The following POLR3F variants were observed in gnomAD, a reference collection of about 807,000 sequenced individuals.
POLR3F encodes RNA polymerase III subunit F.
In POLR3F, 31 loss-of-function variants were observed where a neutral mutation model predicts 43.6. The observed-to-expected ratio is 0.71, with a 90% CI of 0.53 to 0.96. The LOEUF (loss-of-function observed/expected upper bound fraction) is 0.96, where lower values mean the gene tolerates loss of function less well. Ranked by LOEUF, POLR3F falls within the 40% of genes least tolerant of loss-of-function variation. The pLI, the probability that POLR3F is intolerant of heterozygous loss-of-function variation, is 0.00. For synonymous variants in POLR3F, 114 were observed against 132.5 expected, an observed-to-expected ratio of 0.86 and a Z score of 0.96; for missense variants, 316 against 391.7, an observed-to-expected ratio of 0.81 and a Z score of 1.63.
At chr20:18,473,519 C>A in intron 4 of POLR3F, 61 bp downstream of exon 4, 1 of 783,038 alleles carries the variant, frequency 1.3e-6, no homozygotes, top group South Asian at 1.4e-5. Context: ...TATAGGGACC[C>A]AGATCTCAGC....
intron 2 of POLR3F, chr20:18,469,289 C>A: frequency 2.1e-6 from 1 of 479,914 alleles, no homozygotes; most frequent in Non-Finnish European, 3.8e-6. Flanking sequence ...GGGTGAGCAT[C>A]ATCCAATCCA....
chr20:18,473,246 G>T, intron 3 of POLR3F, 145 bp from the exon 4 acceptor site: 1 of 487,842 alleles, frequency 2.0e-6, no homozygotes. Context: ...ACACAGCTCT[G>T]TCTCATTCTA....
chr20:18,481,824 G>A lies in POLR3F; in HGVS notation c.873+14G>A, dbSNP rs2059811765. On this transcript the variant is annotated intron_variant, in intron 8 of 8. Coordinates refer to ENST00000377603, the MANE Select transcript of POLR3F (RefSeq NM_006466.4). ...GGACTCTGCCCGGTGAGTTAAAGTG[G>A]CTTCACTTTACACTTGACTGCCCAC... The A allele has an allele frequency of 6.3e-7, 1 of 1,586,336 alleles. No homozygotes were observed. The highest frequency in any genetic ancestry group is 1.3e-5 in the African/African-American group (1 of 74,290).
At chr20:18,470,107 C>G (rs1042338925) in intron 2 of POLR3F, among the ~76,000 whole-genome samples, 64 of 152,340 alleles carry the variant, frequency 4.2e-4, no homozygotes, top group African/African-American at 1.5e-3. Flanking sequence ...TGCCGATGCT[C>G]TAAATCTCCC....
chr20:18,474,491 TC>T (rs1778698278), intron 4 of POLR3F, among the ~76,000 whole-genome samples: 1 of 151,772 alleles, frequency 6.6e-6, no homozygotes, highest in South Asian at 2.1e-4. Flanking sequence ...GATTTTTCCT[TC>T]CATTATAAAA....
intron 5 of POLR3F, among the ~76,000 whole-genome samples, chr20:18,477,171 G>T (rs1420587143): frequency 6.6e-6 from 1 of 151,570 alleles, no homozygotes; most frequent in Non-Finnish European, 1.5e-5. Flanking sequence ...CATACAGATG[G>T]CAGATAAGCA....
chr20:18,472,038 G>A (rs978929815), intron 2 of POLR3F, among the ~76,000 whole-genome samples: 3 of 152,128 alleles, frequency 2.0e-5, no homozygotes, highest in Non-Finnish European at 4.4e-5. Flanking sequence ...TGGCTTTCTA[G>A]TACTTCCAGA....
Position 18,478,362 on chromosome 20 carries a change from C to T in POLR3F, c.430-1676C>T, listed in dbSNP as rs140490764. On this transcript the variant is annotated intron_variant, in intron 5 of 8. Coordinates refer to ENST00000377603, the MANE Select transcript of POLR3F (RefSeq NM_006466.4). ...TTCCAAGTAGCTGGGACTATAGGCACGTGCCACCATGCTCAGCTAATTTTT... is the reference window on the plus strand; with the variant it reads ...TTCCAAGTAGCTGGGACTATAGGCATGTGCCACCATGCTCAGCTAATTTTT... 3.2e-3 allele frequency among the ~76,000 whole-genome samples: 493 copies of T among 152,108 alleles called. 1 individual carries two copies. Among genetic ancestry groups the T allele is most frequent in the Middle Eastern group, 0.01 (3 of 294 alleles).
Position 18,475,137 on chromosome 20 carries a change from C to G in POLR3F, c.379C>G (p.Leu127Val), listed in dbSNP as rs1291946135. The G allele has an allele frequency of 1.3e-6, 2 of 1,553,940 alleles. No individual in the cohort carries two copies. Among genetic ancestry groups the G allele is most frequent in the South Asian group, 1.1e-5 (1 of 89,582 alleles). The change falls in exon 5 of 9, where the codon CTG becomes GTG. Residue 127 changes from leucine (L) to valine (V), a missense_variant. Around this residue, in one of 3 missense-constraint regions of POLR3F, gnomAD observed 109 missense variants for 177.7 expected, o/e 0.61. Coordinates refer to ENST00000377603, the MANE Select transcript of POLR3F (RefSeq NM_006466.4). ...NLPLTEINKI[L>V]KNLESKKLIK... ...GCCATTAACAGAAATCAACAAAATT[C>G]TGAAGAATCTGGAAAGTAAAAAGCT...
intron 5 of POLR3F, among the ~76,000 whole-genome samples, chr20:18,478,210 A>AT (rs1179140606): frequency 2.7e-4 from 41 of 150,400 alleles, no homozygotes; most frequent in African/African-American, 8.3e-4. Flanking sequence ...GTCTAGCCAA[A>AT]TTTTTTTCTT....
intron 8 of POLR3F, among the ~76,000 whole-genome samples, chr20:18,482,912 A>G (rs561995811): frequency 6.6e-6 from 1 of 152,192 alleles, no homozygotes; most frequent in Non-Finnish European, 1.5e-5. Flanking sequence ...TCATATGTAT[A>G]GGTCTCCCTG....
chr20:18,470,291 C>T (rs973461227), intron 2 of POLR3F, among the ~76,000 whole-genome samples: 1 of 152,104 alleles, frequency 6.6e-6, no homozygotes, highest in Non-Finnish European at 1.5e-5. Context: ...ATTTGGGGTC[C>T]GATGAATCTT....
chr20:18,478,824 C>T (rs1347091045), intron 5 of POLR3F, among the ~76,000 whole-genome samples: 1 of 152,114 alleles, frequency 6.6e-6, no homozygotes, highest in Non-Finnish European at 1.5e-5. Context: ...TGGTTTCTAT[C>T]ATGCAATAAA....
chr20:18,480,018 C>G lies in POLR3F; in HGVS notation c.430-20C>G. On this transcript the variant is annotated intron_variant, in intron 5 of 8. Transcript: ENST00000377603. ...AATTGTTATCTTATAAACACATGAA[C>G]TGTGCATGTTCTTTCCTAGGCCTCA... 1.3e-6 allele frequency: 2 copies of G among 1,565,990 alleles called. No homozygotes were observed. The highest frequency in any genetic ancestry group is 1.7e-6 in the Non-Finnish European group (2 of 1,157,968).
chr20:18,478,232 T>C (rs899422423), intron 5 of POLR3F, among the ~76,000 whole-genome samples: 24 of 152,010 alleles, frequency 1.6e-4, no homozygotes, highest in Non-Finnish European at 2.9e-4. Context: ...TTTTTTTTTT[T>C]TGAGACATGG....
At position 18,478,218 on chromosome 20, in the gene POLR3F, C is replaced by T. The variant is rs550098251; in HGVS notation, c.430-1820C>T. ...GGACAAAGTCTAGCCAAATTTTTTTCTTTTTTTTTTTTTTTGAGACATGGT... is the reference window on the plus strand; with the variant it reads ...GGACAAAGTCTAGCCAAATTTTTTTTTTTTTTTTTTTTTTTGAGACATGGT... On this transcript the variant is annotated intron_variant, in intron 5 of 8. Transcript: ENST00000377603. Among the ~76,000 whole-genome samples the T allele has an allele frequency of 1.1e-3, 156 of 141,012 alleles. 1 individual carries two copies. The highest frequency in any genetic ancestry group is 3.6e-3 in the Middle Eastern group (1 of 276). The allele number at this position is 141,012 out of a possible 152,430, so 92.5% of individuals were successfully genotyped here.
intron 5 of POLR3F, 43 bp downstream of exon 5, chr20:18,475,230 T>G: frequency 1.3e-6 from 1 of 751,166 alleles, no homozygotes; most frequent in Middle Eastern, 2.4e-4. Context: ...ATATGTTGCT[T>G]CAAGTTTTTA....
intron 5 of POLR3F, among the ~76,000 whole-genome samples, chr20:18,476,640 C>G (rs1666407072): frequency 6.6e-6 from 1 of 152,052 alleles, no homozygotes; most frequent in African/African-American, 2.4e-5. Flanking sequence ...CAATAGTAGT[C>G]TATGAAAGAA....
intron 8 of POLR3F, among the ~76,000 whole-genome samples, chr20:18,482,774 A>G (rs1055678667): frequency 2.0e-5 from 3 of 152,346 alleles, no homozygotes; most frequent in African/African-American, 7.2e-5. Flanking sequence ...CTTTGTCTAT[A>G]TGCCTAAGCT....
Sources: gnomAD v4.1 joint callset for allele counts (sites outside exome capture counted in the v4.1 genomes callset) on GRCh38, gnomAD v4.1.1 for gene constraint, gnomAD v4.1.1 regional missense constraint, MANE v1.5 for transcripts, NCBI Gene and HGNC (gene_info 2026-07-23, HGNC 2026-07-21) for gene names.